Variants in LMNA observed in about 807,000 individuals in gnomAD.
LMNA encodes lamin.
A neutral mutation model predicts 70.4 loss-of-function variants in LMNA; 20 were observed. That is an observed-to-expected ratio of 0.28 (90% confidence interval 0.20 to 0.41). LMNA has a LOEUF of 0.41. Ranked by LOEUF, LMNA falls within the 10% of genes least tolerant of loss-of-function variation. LMNA has a pLI of 1.00. For missense variants in LMNA, 652 were observed against 917.2 expected (o/e 0.71, Z 3.73); for synonymous variants, 339 against 372.8 (o/e 0.91, Z 1.04).
chr1:156,127,401 C>T (rs909148228), intron 1 of LMNA, among the ~76,000 whole-genome samples: 1 of 151,982 alleles, frequency 6.6e-6, no homozygotes, highest in African/African-American at 2.4e-5. Context: ...ACTTCCCTCT[C>T]TGCTCGTGGT....
At position 156,133,054 on chromosome 1, in the gene LMNA, G is replaced by A. The variant is rs534025584; in HGVS notation, c.514-1349G>A. On this transcript the variant is annotated intron_variant, in intron 2 of 11. Coordinates refer to ENST00000368300, the MANE Select transcript of LMNA (RefSeq NM_170707.4). The stretch of plus-strand genomic sequence containing the variant: ...AGGGTTTCACCATGTTGGTCAGGCT[G>A]GTCTTGAACTCCTGACCTTAGGTGT... Among the ~76,000 whole-genome samples the A allele has an allele frequency of 4.0e-5, 6 of 151,686 alleles. No homozygotes were observed. In the East Asian group the frequency reaches 5.9e-4, roughly 15 times the overall value.
chr1:156,086,361 C>T (rs551330947), intron 2 of LMNA, among the ~76,000 whole-genome samples: 61 of 150,764 alleles, frequency 4.0e-4, no homozygotes, highest in African/African-American at 1.5e-3. Flanking sequence ...AAAAATAATT[C>T]CTGTTAAGCC....
In LMNA at chr1:156,134,356, T is replaced by C. The variant is rs1180809220; in HGVS notation, c.514-47T>C. ...CCACCTCTCAGCTTCCTTCCAGTTC[T>C]TGTGTTCTGTGACCCCTTTTCCTCA... On this transcript the variant is annotated intron_variant, in intron 2 of 11. Transcript: ENST00000368300. The surrounding 1 kb of genome is among the most constrained non-coding windows in gnomAD (Gnocchi z 5.3). 1.9e-6 allele frequency: 3 copies of C among 1,610,218 alleles called. No individual in the cohort carries two copies. Among genetic ancestry groups the C allele is most frequent in the Non-Finnish European group, 1.7e-6 (2 of 1,178,030 alleles).
intron 2 of LMNA, among the ~76,000 whole-genome samples, chr1:156,133,788 T>G (rs1368916275): frequency 1.3e-5 from 2 of 152,038 alleles, no homozygotes; most frequent in Non-Finnish European, 2.9e-5. Flanking sequence ...TTCATACCTC[T>G]GTGCCTGTAC....
chr1:156,101,636 AAGGGAGGG>A lies in LMNA; in HGVS notation c.-207+11081_-207+11088del, dbSNP rs369909996. Among the ~76,000 whole-genome samples, 104 of 101,960 alleles carry A rather than the reference AAGGGAGGG, an allele frequency of 1.0e-3. No individual in the cohort carries two copies. The South Asian group carries it at 0.01, about 10-fold the overall frequency. The allele number at this position is 101,960 out of a possible 152,430, so 66.9% of individuals were successfully genotyped here. On this transcript the variant is annotated intron_variant, in intron 3 of 12. Transcript: ENST00000368301. ...CCAGGAAGGAAGGACGGAAGGAAGG[AAGGGAGGG>A]AGGGAGGGAGGGAGGGAGGGAGGGA...
intron 1 of LMNA, among the ~76,000 whole-genome samples, chr1:156,129,159 T>C (rs1234307280): frequency 6.6e-6 from 1 of 152,202 alleles, no homozygotes; most frequent in Non-Finnish European, 1.5e-5. Context: ...GACAGACACT[T>C]ACATTAAACA....
Position 156,103,562 on chromosome 1 carries a change from G to A in LMNA, c.-206-11151G>A, listed in dbSNP as rs1247313780. Among the ~76,000 whole-genome samples, 2 of 152,106 alleles carry A rather than the reference G, an allele frequency of 1.3e-5. No homozygotes were observed. The highest frequency in any genetic ancestry group is 2.9e-5 in the Non-Finnish European group (2 of 67,994). Reference sequence around the variant, plus strand: ...CCCTTGAGGAGGAGATGGGAGGGCAGCGCATACCCCTAGCCAACCCCTCCT... The same window carrying A: ...CCCTTGAGGAGGAGATGGGAGGGCAACGCATACCCCTAGCCAACCCCTCCT... On this transcript the variant is annotated intron_variant, in intron 3 of 12. Coordinates refer to the LMNA transcript ENST00000368301. This position sits in a 1 kb window ranked among gnomAD's most constrained non-coding sequence, Gnocchi z 4.7.
At chr1:156,085,292 G>A (rs1179316763) in intron 2 of LMNA, among the ~76,000 whole-genome samples, 1 of 152,302 alleles carries the variant, frequency 6.6e-6, no homozygotes, top group East Asian at 1.9e-4. Context: ...TGTTTTTTAC[G>A]AATCCTTCGC....
chr1:156,096,953 C>T (rs974963268), intron 3 of LMNA, among the ~76,000 whole-genome samples: 14 of 152,196 alleles, frequency 9.2e-5, no homozygotes, highest in Non-Finnish European at 1.9e-4. Flanking sequence ...TCGCTCACCC[C>T]TCCCAGAAAG....
In LMNA at chr1:156,138,598, AGGAGCCCAGGTG is replaced by A. The variant is rs762745643; in HGVS notation, c.1812_1823del (p.Ala605_Gly608del). 4 of 1,612,978 alleles carry A rather than the reference AGGAGCCCAGGTG, an allele frequency of 2.5e-6. No individual in the cohort carries two copies. The highest frequency in any genetic ancestry group is 3.4e-6 in the Non-Finnish European group (4 of 1,179,872). On this transcript the variant is annotated inframe_deletion, in exon 11 of 12. Transcript: ENST00000368300. The surrounding 1 kb of genome is among the most constrained non-coding windows in gnomAD (Gnocchi z 5.5). ...CCGACAAGGCATCTGCCAGCGGCTCAGGAGCCCAGGTGGGCGGACCCATCTCCTCTGGCTCTT... is the reference window on the plus strand; with the variant it reads ...CCGACAAGGCATCTGCCAGCGGCTCAGGCGGACCCATCTCCTCTGGCTCTT...
chr1:156,085,483 T>C (rs1648442118), intron 2 of LMNA, among the ~76,000 whole-genome samples: 1 of 152,192 alleles, frequency 6.6e-6, no homozygotes, highest in Non-Finnish European at 1.5e-5. Context: ...CAGAAAGGTG[T>C]AGAGGTGGCA....
chr1:156,129,932 G>T, intron 1 of LMNA: 1 of 750,358 alleles, frequency 1.3e-6, no homozygotes. Flanking sequence ...TTCTCCCAGG[G>T]CACGGATGAG....
intron 3 of LMNA, among the ~76,000 whole-genome samples, chr1:156,108,420 A>G (rs2102807419): frequency 6.6e-6 from 1 of 152,198 alleles, no homozygotes; most frequent in Admixed American, 6.5e-5. Flanking sequence ...CTACCTGTCC[A>G]GGGTTCTAGC....
At chr1:156,084,328 CGGG>C (rs60777722) in intron 2 of LMNA, among the ~76,000 whole-genome samples, 1 of 90,978 alleles carries the variant, frequency 1.1e-5, no homozygotes, top group African/African-American at 3.8e-5. Flanking sequence ...CTCAGAAGGT[CGGG>C]GGGTGGTGGG....
chr1:156,125,643 C>A (rs1030809008), intron 1 of LMNA, among the ~76,000 whole-genome samples: 2 of 150,966 alleles, frequency 1.3e-5, no homozygotes, highest in African/African-American at 4.9e-5. Context: ...GAGCCGAGAT[C>A]GCGCCACTCT....
intron 1 of LMNA, among the ~76,000 whole-genome samples, chr1:156,129,226 G>A (rs541770878): frequency 6.6e-6 from 1 of 152,312 alleles, no homozygotes; most frequent in East Asian, 1.9e-4. Flanking sequence ...GGCTGGGGGA[G>A]CTTCCTCTGG....
At chr1:156,128,215 G>T (rs1650759601) in intron 1 of LMNA, among the ~76,000 whole-genome samples, 1 of 152,106 alleles carries the variant, frequency 6.6e-6, no homozygotes, top group African/African-American at 2.4e-5. Context: ...CTATATAAGT[G>T]TTTGCTATTA....
At chr1:156,120,446 T>C (rs1423606050) in intron 1 of LMNA, among the ~76,000 whole-genome samples, 1 of 152,216 alleles carries the variant, frequency 6.6e-6, no homozygotes, top group Non-Finnish European at 1.5e-5. Context: ...TAGTGCTCTA[T>C]GGCCATACTT....
chr1:156,122,745 G>A (rs908302365), intron 1 of LMNA, among the ~76,000 whole-genome samples: 1 of 152,230 alleles, frequency 6.6e-6, no homozygotes, highest in Non-Finnish European at 1.5e-5. Flanking sequence ...CTTAGAGCTG[G>A]CCAGGATTAG....
Sources: allele counts gnomAD v4.1 joint callset (sites outside exome capture counted in the v4.1 genomes callset), GRCh38; gene constraint gnomAD v4.1.1; non-coding constraint Gnocchi (gnomAD v3.1); transcripts MANE v1.5; gene names NCBI Gene and HGNC (gene_info 2026-07-23, HGNC 2026-07-21).